Variants in TOMM70 observed in about 807,000 individuals in gnomAD.
TOMM70 encodes translocase of outer mitochondrial membrane 70.
A neutral mutation model predicts 73.6 loss-of-function variants in TOMM70; 13 were observed. That is an observed-to-expected ratio of 0.18 (90% CI 0.11 to 0.28). The LOEUF is 0.28. TOMM70 is among the 10% of genes least tolerant of loss of function. The pLI, the probability that TOMM70 is intolerant of heterozygous loss-of-function variation, is 1.00. For missense variants in TOMM70, 609 were observed against 747.5 expected, an observed-to-expected ratio of 0.81 and a Z score of 2.16; for synonymous variants, 257 against 271.2, an observed-to-expected ratio of 0.95 and a Z score of 0.51.
intron 1 of TOMM70, among the ~76,000 whole-genome samples, chr3:100,398,405 T>A (rs901018211): frequency 1.4e-4 from 19 of 132,342 alleles, no homozygotes; most frequent in South Asian, 4.6e-4. Context: ...AAAAAAAAAA[T>A]TTAGTTTCAT....
chr3:100,387,599 G>GACAGACACAC (rs1706706718), intron 1 of TOMM70, among the ~76,000 whole-genome samples: 1 of 118,188 alleles, frequency 8.5e-6, no homozygotes, highest in Admixed American at 9.2e-5. Flanking sequence ...CACAGACACA[G>GACAGACACAC]ACACACACAC....
At chr3:100,390,592 C>T (rs1031940438) in intron 1 of TOMM70, among the ~76,000 whole-genome samples, 3 of 152,164 alleles carry the variant, frequency 2.0e-5, no homozygotes, top group Non-Finnish European at 4.4e-5. Flanking sequence ...CTTTGGGAGG[C>T]CAAGGCAGTA....
chr3:100,378,533 A>G lies in TOMM70; in HGVS notation c.885-621T>C, dbSNP rs191316182. Among the ~76,000 whole-genome samples, 4 of 152,318 alleles carry G rather than the reference A, an allele frequency of 2.6e-5. No homozygotes were observed. The East Asian group carries it at 7.7e-4, about 29-fold the overall frequency. On this transcript the variant is annotated intron_variant, in intron 5 of 11. Transcript: ENST00000284320. Reference sequence around the variant, plus strand: ...AGATACTGAAAAGATGAGCTAACGAAAGAGAGACTGATCTGCAACATAGGT... The same window carrying G: ...AGATACTGAAAAGATGAGCTAACGAGAGAGAGACTGATCTGCAACATAGGT...
At chr3:100,370,305 A>G (rs939010519) in intron 9 of TOMM70, among the ~76,000 whole-genome samples, 9 of 152,196 alleles carry the variant, frequency 5.9e-5, no homozygotes, top group Non-Finnish European at 1.2e-4. Context: ...CTTTAATAAT[A>G]GGCAGTGCTG....
chr3:100,394,046 G>A (rs1706793323), intron 1 of TOMM70, among the ~76,000 whole-genome samples: 1 of 152,062 alleles, frequency 6.6e-6, no homozygotes, highest in African/African-American at 2.4e-5. Context: ...TAAATTCTCA[G>A]CATTTATAAA....
intron 3 of TOMM70, among the ~76,000 whole-genome samples, chr3:100,385,052 G>A (rs1706674853): frequency 6.6e-6 from 1 of 152,198 alleles, no homozygotes; most frequent in Non-Finnish European, 1.5e-5. Flanking sequence ...TGCATGCAGT[G>A]GTTTGAAATT....
chr3:100,371,194 G>A (rs1706505693), intron 9 of TOMM70, among the ~76,000 whole-genome samples: 1 of 150,672 alleles, frequency 6.6e-6, no homozygotes, highest in African/African-American at 2.4e-5. Flanking sequence ...ATACCATGAA[G>A]GAAATTAAAA....
intron 11 of TOMM70, among the ~76,000 whole-genome samples, chr3:100,367,282 A>AT (rs71860843): frequency 0.12 from 18,317 of 150,716 alleles, 1,739 homozygotes; most frequent in African/African-American, 0.26. Flanking sequence ...AAGAAACACA[A>AT]TTTTTTTTTT....
chr3:100,372,441 C>CT, intron 9 of TOMM70, 165 bp downstream of exon 9: 1 of 534,736 alleles, frequency 1.9e-6, no homozygotes, highest in South Asian at 3.5e-5. Context: ...AAAGGAGCCT[C>CT]TTCTGAGGTG....
rs757122794 is a variant in TOMM70, at chr3:100,375,123, G to T, written c.1122C>A (p.Gly374=). 8 of 1,608,194 alleles carry T rather than the reference G, an allele frequency of 5.0e-6. No individual in the cohort carries two copies. In the East Asian group the frequency reaches 1.8e-4, roughly 36 times the overall value. ...GCTGCTGCTGTTGCATGTACATGCT[G>T]CCTCTTTTGATGAGAGCATTTGCTC... ...KLRANALIKR[G]SMYMQQQQPL... is the part of the protein sequence containing the mutation. The change falls in exon 7 of 12, where the codon GGC becomes GGA. Residue 374 remains glycine, a synonymous_variant. Coordinates refer to ENST00000284320, the MANE Select transcript of TOMM70 (RefSeq NM_014820.5).
At chr3:100,373,516 T>C (rs1009629535) in intron 8 of TOMM70, 22 bp downstream of exon 8, 27 of 1,557,352 alleles carry the variant, frequency 1.7e-5, no homozygotes, top group Non-Finnish European at 2.2e-5. Flanking sequence ...TTTAGGAAAA[T>C]ACAAAAGAAA....
chr3:100,397,883 C>T (rs773174122), intron 1 of TOMM70, among the ~76,000 whole-genome samples: 6 of 147,200 alleles, frequency 4.1e-5, no homozygotes, highest in Non-Finnish European at 6.0e-5. Flanking sequence ...AGTGAGACTC[C>T]GTATCAAAAA....
In TOMM70 at chr3:100,384,580, C is replaced by T. The variant is rs1419639722; in HGVS notation, c.634G>A (p.Ala212Thr). 2 of 1,582,318 alleles carry T rather than the reference C, an allele frequency of 1.3e-6. No homozygotes were observed. Among genetic ancestry groups the T allele is most frequent in the Non-Finnish European group, 1.7e-6 (2 of 1,167,516 alleles). Residue 212 changes from alanine to threonine, a missense_variant, in exon 4 of 12, where the codon GCT becomes ACT. Ala to Thr is a moderately conservative substitution (Grantham distance 58). Around this residue, in one of 2 missense-constraint regions of TOMM70, gnomAD observed 432 missense variants for 584.1 expected, o/e 0.74. Transcript: ENST00000284320. ...NKKECLEDVT[A>T]VCILEGFQNQ... is the part of the protein sequence containing the mutation. The stretch of plus-strand genomic sequence containing the variant: ...TGGAACCCTTCTAATATACACACAG[C>T]AGTGACATCTAGAAATGATGAAAAA...
Position 100,369,024 on chromosome 3 carries a change from A to T in TOMM70, c.1550+14T>A, listed in dbSNP as rs181688767. 6.4e-7 allele frequency: 1 copy of T among 1,561,396 alleles called. No homozygotes were observed. Among genetic ancestry groups the T allele is most frequent in the Non-Finnish European group, 8.8e-7 (1 of 1,141,254 alleles). ...AATTTATTATCTCATTGGAACAATC[A>T]CAAAAATACATACCCTTTATGAACA... On this transcript the variant is annotated intron_variant, in intron 10 of 11. Transcript: ENST00000284320.
At chr3:100,374,927 G>C (rs1340526634) in intron 7 of TOMM70, 91 bp downstream of exon 7, 8 of 1,386,740 alleles carry the variant, frequency 5.8e-6, no homozygotes, top group Non-Finnish European at 6.7e-6. Flanking sequence ...AATTATATAA[G>C]AAAACTCAAG....
At chr3:100,366,571 A>AT (rs1373968205) in intron 11 of TOMM70, among the ~76,000 whole-genome samples, 1 of 152,206 alleles carries the variant, frequency 6.6e-6, no homozygotes, top group Non-Finnish European at 1.5e-5. Context: ...TGATAGGCTT[A>AT]TTTTTAAAAA....
intron 5 of TOMM70, among the ~76,000 whole-genome samples, chr3:100,380,176 T>C (rs1297568961): frequency 6.6e-6 from 1 of 151,932 alleles, no homozygotes; most frequent in Non-Finnish European, 1.5e-5. Context: ...TGAAACTCCG[T>C]CTCTACTCAA....
Position 100,381,704 on chromosome 3 carries a change from C to A in TOMM70, c.795G>T (p.Thr265=), listed in dbSNP as rs778126106. 3 of 1,612,146 alleles carry A rather than the reference C, an allele frequency of 1.9e-6. No individual in the cohort carries two copies. The highest frequency in any genetic ancestry group is 2.2e-5 in the South Asian group (2 of 90,730). Residue 265 remains threonine (T), a synonymous_variant, in exon 5 of 12, where the codon ACG becomes ACT. Transcript: ENST00000284320. The part of the protein sequence containing the change: ...QFIKSYFSSF[T]DDIISQPMLK... ...GCATGGGCTGGGAAATGATATCATCCGTGAAAGAACTGAAGTAAGATTTGA... is the reference window on the plus strand; with the variant it reads ...GCATGGGCTGGGAAATGATATCATCAGTGAAAGAACTGAAGTAAGATTTGA...
chr3:100,384,363 G>A lies in TOMM70; in HGVS notation c.735+116C>T, dbSNP rs993315805. ...TAACAGGAAGAAGAAATATAACCCA[G>A]TTCTAATTGCAGTTGTTGCCATTAC... On this transcript the variant is annotated intron_variant, in intron 4 of 11. Transcript: ENST00000284320. The A allele has an allele frequency of 2.4e-5, 15 of 627,520 alleles. No individual in the cohort carries two copies. In the African/African-American group the frequency reaches 2.7e-4, roughly 11 times the overall value. 38.9% of individuals were successfully genotyped at this position (627,520 alleles called of 1,614,324 possible).
Sources: gnomAD v4.1 joint callset for allele counts (sites outside exome capture counted in the v4.1 genomes callset) on GRCh38, gnomAD v4.1.1 for gene constraint, gnomAD v4.1.1 regional missense constraint, MANE v1.5 for transcripts, NCBI Gene and HGNC (gene_info 2026-07-23, HGNC 2026-07-21) for gene names.